The following CELF4 variants were observed in gnomAD, a reference collection of about 807,000 sequenced individuals.
The protein encoded by CELF4 is CUG-BP- and ETR-3-like factor 4.
Under a neutral mutation model 59.9 loss-of-function variants are expected in CELF4, and 18 were observed. That is an observed-to-expected ratio of 0.30 (90% CI 0.21 to 0.45). The LOEUF (loss-of-function observed/expected upper bound fraction) is 0.45, where lower values mean the gene tolerates loss of function less well. CELF4 is among the 20% of genes least tolerant of loss of function. The probability of loss-of-function intolerance (pLI) is 1.00; values close to 1 mark genes in which losing one functional copy is unlikely to be tolerated. For synonymous variants in CELF4, 261 were observed against 267.1 expected (o/e 0.98, Z 0.22); for missense variants, 456 against 689.0 (o/e 0.66, Z 3.79).
chr18:37,403,322 G>T (rs1603636852), intron 2 of CELF4, among the ~76,000 whole-genome samples: 1 of 152,156 alleles, frequency 6.6e-6, no homozygotes, highest in Non-Finnish European at 1.5e-5. Flanking sequence ...AGGAGCAGCC[G>T]CTTCAAAGGG....
At chr18:37,429,875 G>A (rs1318741999) in intron 2 of CELF4, among the ~76,000 whole-genome samples, 1 of 152,112 alleles carries the variant, frequency 6.6e-6, no homozygotes, top group Non-Finnish European at 1.5e-5. Flanking sequence ...ATCCTGCCCT[G>A]CCTGACTCCT....
chr18:37,336,901 C>T (rs916858829), intron 2 of CELF4, among the ~76,000 whole-genome samples: 5 of 152,286 alleles, frequency 3.3e-5, no homozygotes, highest in East Asian at 3.9e-4. Flanking sequence ...CCCCAACCCC[C>T]GGCGGGGCTG....
Position 37,547,160 on chromosome 18 carries a change from G to GGTGTGTGTGTGTGTGTGTGT in CELF4, c.286+18176_286+18195dup, listed in dbSNP as rs59169669. Among the ~76,000 whole-genome samples the GGTGTGTGTGTGTGTGTGTGT allele has an allele frequency of 1.2e-3, 170 of 144,240 alleles. 1 individual carries two copies. The highest frequency in any genetic ancestry group is 3.1e-3 in the African/African-American group (122 of 39,324). The allele number at this position is 144,240 out of a possible 152,430, so 94.6% of individuals were successfully genotyped here. On this transcript the variant is annotated intron_variant, in intron 1 of 12. Transcript: ENST00000420428. The stretch of plus-strand genomic sequence containing the variant: ...GCTTAGTGTATGTGTGTGTGTGTGT[G>GGTGTGTGTGTGTGTGTGTGT]GTGTGTGTGTGTGTGTGTGTGTGTG...
At chr18:37,337,285 AT>A (rs1207874583) in intron 2 of CELF4, among the ~76,000 whole-genome samples, 1 of 152,092 alleles carries the variant, frequency 6.6e-6, no homozygotes, top group Non-Finnish European at 1.5e-5. Context: ...ACTGCCTCCC[AT>A]GGTGAGCCTC....
At chr18:37,357,727 G>T (rs142298626) in intron 2 of CELF4, among the ~76,000 whole-genome samples, 1 of 152,226 alleles carries the variant, frequency 6.6e-6, no homozygotes, top group Admixed American at 6.5e-5. Flanking sequence ...ACCCTGCAAA[G>T]CCACAGGGGT....
At chr18:37,521,274 T>G (rs1018455190) in intron 1 of CELF4, among the ~76,000 whole-genome samples, 3 of 152,140 alleles carry the variant, frequency 2.0e-5, no homozygotes, top group African/African-American at 7.2e-5. Context: ...CTCTGATGTT[T>G]CAGGCACGAA....
chr18:37,555,841 T>C (rs1396918118), intron 1 of CELF4, among the ~76,000 whole-genome samples: 3 of 152,162 alleles, frequency 2.0e-5, no homozygotes, highest in Non-Finnish European at 4.4e-5. Context: ...CATGAACTGG[T>C]GTGGGTACCA....
At chr18:37,403,530 T>G (rs1056792807) in intron 2 of CELF4, among the ~76,000 whole-genome samples, 1 of 151,996 alleles carries the variant, frequency 6.6e-6, no homozygotes, top group Non-Finnish European at 1.5e-5. Context: ...CATGTTTGCA[T>G]GTGACTCCGT....
At chr18:37,350,396 A>C (rs1172643226) in intron 2 of CELF4, among the ~76,000 whole-genome samples, 1 of 152,172 alleles carries the variant, frequency 6.6e-6, no homozygotes, top group African/African-American at 2.4e-5. Flanking sequence ...TTCTCAGGAC[A>C]ACAGCTCACT....
chr18:37,552,159 C>T (rs989994760), intron 1 of CELF4, among the ~76,000 whole-genome samples: 16 of 152,196 alleles, frequency 1.1e-4, no homozygotes, highest in African/African-American at 3.1e-4. Context: ...CGTATTTACA[C>T]GGGACAGTTT....
Position 37,565,303 on chromosome 18 carries a change from C to T in CELF4, c.286+53G>A, listed in dbSNP as rs114476102. The T allele has an allele frequency of 4.1e-4, 596 of 1,460,882 alleles. No individual in the cohort carries two copies. In the African/African-American group the frequency reaches 7.9e-3, roughly 19 times the overall value. 90.5% of individuals were successfully genotyped at this position (1,460,882 alleles called of 1,614,324 possible). A position where few individuals can be genotyped will look rare whatever the true frequency, so the allele number is the denominator to read the frequency against. On this transcript the variant is annotated intron_variant, in intron 1 of 12. Coordinates refer to ENST00000420428, the MANE Select transcript of CELF4 (RefSeq NM_020180.4). The stretch of plus-strand genomic sequence containing the variant: ...GTCAGTCGCCGGCCGGCCGGTCGGC[C>T]CGCCAGCCCGCTCCTGCTCCCCGGC...
At chr18:37,495,103 T>C (rs2099923675) in intron 1 of CELF4, among the ~76,000 whole-genome samples, 1 of 152,208 alleles carries the variant, frequency 6.6e-6, no homozygotes, top group Non-Finnish European at 1.5e-5. Context: ...AATTCTTTGC[T>C]AGAACCTAGA....
intron 2 of CELF4, among the ~76,000 whole-genome samples, chr18:37,349,177 A>G (rs573921416): frequency 5.3e-5 from 8 of 152,336 alleles, no homozygotes; most frequent in Admixed American, 4.6e-4. Context: ...GGAAACTCAG[A>G]GATAGCGCAG....
intron 2 of CELF4, among the ~76,000 whole-genome samples, chr18:37,477,055 C>A (rs2099851862): frequency 6.6e-6 from 1 of 152,190 alleles, no homozygotes; most frequent in South Asian, 2.1e-4. Context: ...ATAGGAGATG[C>A]CAGAATGATC....
intron 2 of CELF4, among the ~76,000 whole-genome samples, chr18:37,361,548 T>A (rs1400592728): frequency 3.3e-5 from 5 of 152,190 alleles, no homozygotes; most frequent in African/African-American, 1.2e-4. Context: ...GAGTCTTGGC[T>A]GTTAACAAAA....
intron 2 of CELF4, among the ~76,000 whole-genome samples, chr18:37,376,181 G>A (rs2098966936): frequency 6.6e-6 from 1 of 152,008 alleles, no homozygotes; most frequent in Non-Finnish European, 1.5e-5. Flanking sequence ...TCTCAATAAG[G>A]GCAGTGCCTG....
At chr18:37,415,604 G>A (rs939183038) in intron 2 of CELF4, among the ~76,000 whole-genome samples, 2 of 152,214 alleles carry the variant, frequency 1.3e-5, no homozygotes, top group Non-Finnish European at 2.9e-5. Flanking sequence ...AACTTTAAGA[G>A]AAGTGGAAAA....
Position 37,527,316 on chromosome 18 carries a change from C to T in CELF4, c.286+38040G>A, listed in dbSNP as rs370409721. Among the ~76,000 whole-genome samples, 14 of 151,874 alleles carry T rather than the reference C, an allele frequency of 9.2e-5. No individual in the cohort carries two copies. In the East Asian group the frequency reaches 1.6e-3, roughly 17 times the overall value. On this transcript the variant is annotated intron_variant, in intron 1 of 12. Coordinates refer to ENST00000420428, the MANE Select transcript of CELF4 (RefSeq NM_020180.4). Reference sequence around the variant, plus strand: ...ACTAGAGAAGGGTCACCAGCCCAGACGGACCCAAGCAGGAGAGGAGCTCGA... The same window carrying T: ...ACTAGAGAAGGGTCACCAGCCCAGATGGACCCAAGCAGGAGAGGAGCTCGA...
At chr18:37,353,233 A>AAAAAAAATATATATATATATATAT (rs71168258) in intron 2 of CELF4, among the ~76,000 whole-genome samples, 1 of 106,990 alleles carries the variant, frequency 9.3e-6, no homozygotes, top group Non-Finnish European at 1.8e-5. Flanking sequence ...AAAAAAAAAA[A>AAAAAAAATATATATATATATATAT]ATATATATAT....
Sources: allele counts gnomAD v4.1 joint callset (sites outside exome capture counted in the v4.1 genomes callset), GRCh38; gene constraint gnomAD v4.1.1; transcripts MANE v1.5; gene names NCBI Gene and HGNC (gene_info 2026-07-23, HGNC 2026-07-21).